GSG1: variants seen among roughly 807,000 people sequenced by gnomAD.
GSG1 encodes the protein germ cell associated 1.
In GSG1, 28 loss-of-function variants were observed where a neutral mutation model predicts 30.8. The observed-to-expected ratio is 0.91, with a 90% confidence interval of 0.67 to 1.25. The LOEUF is 1.25. Ranked by LOEUF, GSG1 falls within the 50% of genes most tolerant of loss-of-function variation. The pLI, the probability that GSG1 is intolerant of heterozygous loss-of-function variation, is 0.00. For synonymous variants in GSG1, 162 were observed against 178.0 expected (o/e 0.91, Z 0.71); for missense variants, 435 against 444.7 (o/e 0.98, Z 0.20).
rs779616878 is a variant in GSG1, at chr12:13,103,560, C to T, written c.-48G>A. 3 of 1,605,996 alleles carry T rather than the reference C, an allele frequency of 1.9e-6. No homozygotes were observed. The highest frequency in any genetic ancestry group is 2.2e-5 in the East Asian group (1 of 44,834). ...GAGAAGTTTCAGTTTATCTTCTGTT[C>T]TGTCTCAATCAGTTGGGTAGAATGA... On this transcript the variant is annotated 5_prime_UTR_variant, in exon 1 of 7. Coordinates refer to ENST00000651961, the MANE Select transcript of GSG1 (RefSeq NM_001080555.4).
At chr12:13,097,456 A>G (rs1459942316) in intron 1 of GSG1, among the ~76,000 whole-genome samples, 1 of 151,348 alleles carries the variant, frequency 6.6e-6, no homozygotes, top group Non-Finnish European at 1.5e-5. Context: ...CAATCCTCCC[A>G]CCTTGGCCTC....
At chr12:13,095,489 T>C in intron 1 of GSG1, 1 of 1,064,136 alleles carries the variant, frequency 9.4e-7, no homozygotes, top group Non-Finnish European at 1.5e-6. Context: ...AGAATTAGCA[T>C]AGGCTAGGAA....
At chr12:13,099,759 T>TTGTTTTTG (rs1555128122) in intron 1 of GSG1, among the ~76,000 whole-genome samples, 2 of 144,706 alleles carry the variant, frequency 1.4e-5, no homozygotes, top group Non-Finnish European at 3.0e-5. Flanking sequence ...TGTTTTTTTT[T>TTGTTTTTG]TTTTTTTTTG....
chr12:13,089,860 G>A (rs1336445173), intron 2 of GSG1, among the ~76,000 whole-genome samples: 3 of 152,154 alleles, frequency 2.0e-5, no homozygotes, highest in Non-Finnish European at 4.4e-5. Context: ...AGACCAGCCT[G>A]ACCAACATGG....
At chr12:13,092,797 T>C (rs1252773383) in intron 1 of GSG1, among the ~76,000 whole-genome samples, 2 of 151,992 alleles carry the variant, frequency 1.3e-5, no homozygotes, top group East Asian at 1.9e-4. Flanking sequence ...TTCTTTTTTT[T>C]TTTTTTTTAT....
Position 13,090,573 on chromosome 12 carries a change from A to G in GSG1, c.294T>C (p.Asp98=). ...GGAAGCTCCGGAAGGAGAACCGGTC[A>G]TCCCCAGTCTCCCAGTTGTATTGTA... ...EVVQYNWETG[D]DRFSFRSFRS... is the part of the protein sequence containing the mutation. Residue 98 remains aspartate, a synonymous_variant, in exon 2 of 7, where the codon GAT becomes GAC. Transcript: ENST00000651961. 1 of 1,614,238 alleles carries G rather than the reference A, an allele frequency of 6.2e-7. No homozygotes were observed. Among genetic ancestry groups the G allele is most frequent in the Non-Finnish European group, 8.5e-7 (1 of 1,180,024 alleles).
intron 2 of GSG1, among the ~76,000 whole-genome samples, chr12:13,089,525 G>T (rs1235832089): frequency 1.3e-5 from 2 of 152,152 alleles, no homozygotes; most frequent in African/African-American, 4.8e-5. Context: ...ACCAGCACCT[G>T]CCTGCTTTGC....
intron 1 of GSG1, among the ~76,000 whole-genome samples, chr12:13,099,663 G>A (rs1262958623): frequency 3.3e-5 from 5 of 151,846 alleles, no homozygotes; most frequent in African/African-American, 9.7e-5. Flanking sequence ...AATGACAAGC[G>A]TGAATGCTGA....
At chr12:13,085,411 T>C (rs901324842) in intron 6 of GSG1, among the ~76,000 whole-genome samples, 168 bp from the exon 7 acceptor site, 1 of 152,076 alleles carries the variant, frequency 6.6e-6, no homozygotes, top group Non-Finnish European at 1.5e-5. Context: ...TACTGGTTTC[T>C]AAAAAGAGAA....
rs114789864 is a variant in GSG1, at chr12:13,085,380, A to G, written c.747-137T>C. On this transcript the variant is annotated intron_variant, in intron 6 of 6. Transcript: ENST00000651961. ...GGGACTTTCCACCATGTTTCAGGTA[A>G]AGAACTGTGGGAAGAGAACTTACTG... The G allele has an allele frequency of 5.3e-4, 398 of 751,552 alleles. 1 individual carries two copies. In the African/African-American group the frequency reaches 6.1e-3, roughly 11 times the overall value. 46.6% of individuals were successfully genotyped at this position (751,552 alleles called of 1,614,324 possible). A position where few individuals can be genotyped will look rare whatever the true frequency, so the allele number is the denominator to read the frequency against.
chr12:13,088,834 G>A (rs142983705), intron 4 of GSG1, 28 bp downstream of exon 4: 11 of 1,614,186 alleles, frequency 6.8e-6, no homozygotes, highest in Admixed American at 5.0e-5. Flanking sequence ...GCCTTGCAAC[G>A]TGGCAAATTC....
At position 13,095,018 on chromosome 12, in the gene GSG1, C is replaced by G. The variant is rs528257917; in HGVS notation, c.49-4200G>C. ...TTGAGAAACAAAGAATAAAAAAGAG[C>G]TTGGACTGAAGCTCAAAGAGGTTCC... On this transcript the variant is annotated intron_variant, in intron 1 of 6. Transcript: ENST00000651961. Among the ~76,000 whole-genome samples, 27 of 152,296 alleles carry G rather than the reference C, an allele frequency of 1.8e-4. No homozygotes were observed. The South Asian group carries it at 5.6e-3, about 32-fold the overall frequency.
chr12:13,087,342 CT>C (rs1865645199), intron 5 of GSG1, 79 bp from the exon 6 acceptor site: 1 of 1,065,912 alleles, frequency 9.4e-7, no homozygotes, highest in Admixed American at 1.7e-5. Context: ...TTGGATCACC[CT>C]TCTTGCAGTC....
At chr12:13,090,370 C>A (rs780163838) in intron 2 of GSG1, 133 bp downstream of exon 2, 85 of 745,844 alleles carry the variant, frequency 1.1e-4, no homozygotes, top group Non-Finnish European at 1.7e-4. Context: ...GGAGTGAGGC[C>A]CACTGGGGTG....
chr12:13,103,388 T>C, intron 1 of GSG1, 77 bp downstream of exon 1: 8 of 1,061,934 alleles, frequency 7.5e-6, no homozygotes, highest in South Asian at 1.3e-5. Context: ...GATGAGTTAG[T>C]GTAACCTGTG....
At chr12:13,087,799 A>T in intron 5 of GSG1, 108 bp downstream of exon 5, 2 of 1,139,594 alleles carry the variant, frequency 1.8e-6, no homozygotes, top group Non-Finnish European at 2.4e-6. Context: ...TCCATTCTTT[A>T]AAGAGCCTTT....
At chr12:13,090,045 A>G (rs557161042) in intron 2 of GSG1, among the ~76,000 whole-genome samples, 14 of 152,306 alleles carry the variant, frequency 9.2e-5, no homozygotes, top group African/African-American at 2.9e-4. Flanking sequence ...GCAAAACTCC[A>G]TATCAAAAGA....
intron 6 of GSG1, among the ~76,000 whole-genome samples, chr12:13,085,581 G>T (rs1865444224): frequency 6.6e-6 from 1 of 151,858 alleles, no homozygotes; most frequent in South Asian, 2.1e-4. Flanking sequence ...ATTGACCCTT[G>T]TAAAATCTCC....
At chr12:13,102,575 C>T (rs535015544) in intron 1 of GSG1, among the ~76,000 whole-genome samples, 1 of 152,372 alleles carries the variant, frequency 6.6e-6, no homozygotes, top group South Asian at 2.1e-4. Context: ...CTCAGCTCTG[C>T]AGTCCCAGAA....
Sources: gnomAD v4.1 joint callset for allele counts (sites outside exome capture counted in the v4.1 genomes callset) on GRCh38, gnomAD v4.1.1 for gene constraint, MANE v1.5 for transcripts, NCBI Gene and HGNC (gene_info 2026-07-23, HGNC 2026-07-21) for gene names.